Variants in RETREG1 observed in about 807,000 individuals in gnomAD.
The protein encoded by RETREG1 is family with sequence similarity 134 member B.
RETREG1 carries 44 observed loss-of-function variants against 54.8 expected under a neutral mutation model. The observed-to-expected ratio is 0.80, with a 90% CI of 0.63 to 1.03. RETREG1 has a LOEUF of 1.03. RETREG1 is among the 50% of genes least tolerant of loss of function. The pLI, the probability that RETREG1 is intolerant of heterozygous loss-of-function variation, is 0.00. For synonymous variants in RETREG1, 217 were observed against 238.5 expected, an observed-to-expected ratio of 0.91 and a Z score of 0.83; for missense variants, 554 against 605.1, an observed-to-expected ratio of 0.92 and a Z score of 0.89.
intron 3 of RETREG1, among the ~76,000 whole-genome samples, chr5:16,506,200 T>A (rs1330322044): frequency 6.6e-6 from 1 of 152,178 alleles, no homozygotes; most frequent in Non-Finnish European, 1.5e-5. Flanking sequence ...CTGATTTTTT[T>A]AAAAACAAAA....
chr5:16,573,706 T>A (rs1430082144), intron 1 of RETREG1, among the ~76,000 whole-genome samples: 1 of 151,634 alleles, frequency 6.6e-6, no homozygotes, highest in African/African-American at 2.4e-5. Context: ...AATGGTTTTT[T>A]TTTTTTAATT....
At chr5:16,588,107 G>A (rs1052972989) in intron 1 of RETREG1, among the ~76,000 whole-genome samples, 2 of 152,168 alleles carry the variant, frequency 1.3e-5, no homozygotes, top group African/African-American at 4.8e-5. Flanking sequence ...CATCTCTTGG[G>A]CCAACTGTAT....
At chr5:16,513,076 G>A (rs1405937571) in intron 3 of RETREG1, among the ~76,000 whole-genome samples, 1 of 152,194 alleles carries the variant, frequency 6.6e-6, no homozygotes, top group Non-Finnish European at 1.5e-5. Context: ...TTTGTTTGGA[G>A]CAGATTGGTT....
chr5:16,558,869 A>G (rs777472137), intron 3 of RETREG1, among the ~76,000 whole-genome samples: 3 of 152,264 alleles, frequency 2.0e-5, no homozygotes, highest in Non-Finnish European at 4.4e-5. Flanking sequence ...CAAGTTTGAG[A>G]TAAAGATATG....
chr5:16,557,898 T>C (rs1234956646), intron 3 of RETREG1, among the ~76,000 whole-genome samples: 1 of 152,182 alleles, frequency 6.6e-6, no homozygotes, highest in African/African-American at 2.4e-5. Flanking sequence ...GAAATTTAAT[T>C]GCCATCATGA....
intron 3 of RETREG1, among the ~76,000 whole-genome samples, chr5:16,520,007 G>T (rs148159791): frequency 3.3e-5 from 5 of 152,292 alleles, no homozygotes; most frequent in Non-Finnish European, 5.9e-5. Flanking sequence ...CCCTGTTATG[G>T]GTTGGACTGT....
rs542557684 is a variant in RETREG1, at chr5:16,543,975, T to G, written c.458+21788A>C. On this transcript the variant is annotated intron_variant, in intron 3 of 8. Coordinates refer to ENST00000306320, the MANE Select transcript of RETREG1 (RefSeq NM_001034850.3). ...ATGGGTTTGTTTATTGCCAAGTTTT[T>G]TTTTTTTTTTTTTTTTGGAGACGGA... 5.9e-3 allele frequency among the ~76,000 whole-genome samples: 870 copies of G among 147,262 alleles called. 4 individuals are homozygous for G. Among genetic ancestry groups the G allele is most frequent in the Middle Eastern group, 0.01 (3 of 290 alleles).
At chr5:16,536,095 C>G (rs1173137674) in intron 3 of RETREG1, among the ~76,000 whole-genome samples, 2 of 152,186 alleles carry the variant, frequency 1.3e-5, no homozygotes, top group African/African-American at 4.8e-5. Context: ...TAATCTCACA[C>G]AGTAACAGAG....
intron 3 of RETREG1, among the ~76,000 whole-genome samples, chr5:16,488,252 C>G (rs377106294): frequency 6.6e-6 from 1 of 152,192 alleles, no homozygotes; most frequent in East Asian, 1.9e-4. Context: ...CAAAGAAAAT[C>G]TATGCAACAA....
intron 3 of RETREG1, among the ~76,000 whole-genome samples, chr5:16,504,390 A>G (rs1450230824): frequency 6.6e-6 from 1 of 152,190 alleles, no homozygotes; most frequent in Non-Finnish European, 1.5e-5. Flanking sequence ...GTGATGTGAA[A>G]TCAACCACAG....
chr5:16,565,311 C>T (rs1741976950), intron 3 of RETREG1, among the ~76,000 whole-genome samples: 1 of 152,200 alleles, frequency 6.6e-6, no homozygotes, highest in African/African-American at 2.4e-5. Context: ...CTCACAGCCT[C>T]TCACCCTATC....
chr5:16,548,815 G>T (rs1339473805), intron 3 of RETREG1, among the ~76,000 whole-genome samples: 6 of 152,334 alleles, frequency 3.9e-5, no homozygotes, highest in Middle Eastern at 3.4e-3. Context: ...ACACCAGGGT[G>T]GTGAGGGGAG....
intron 3 of RETREG1, among the ~76,000 whole-genome samples, chr5:16,546,081 T>C (rs548777622): frequency 6.6e-6 from 1 of 152,354 alleles, no homozygotes; most frequent in African/African-American, 2.4e-5. Flanking sequence ...GATACAATGA[T>C]TGAAATCCCA....
intron 3 of RETREG1, among the ~76,000 whole-genome samples, chr5:16,492,961 G>A (rs556164644): frequency 6.6e-6 from 1 of 152,156 alleles, no homozygotes; most frequent in East Asian, 1.9e-4. Flanking sequence ...TTAGCCACGT[G>A]AGCGACTCCT....
chr5:16,569,951 G>A (rs1742128665), intron 2 of RETREG1, among the ~76,000 whole-genome samples: 2 of 152,372 alleles, frequency 1.3e-5, no homozygotes, highest in South Asian at 4.1e-4. Context: ...ACTCCCAGGA[G>A]CTGCAAGAGG....
At chr5:16,508,458 T>A in intron 3 of RETREG1, 1 of 971,952 alleles carries the variant, frequency 1.0e-6, no homozygotes, top group Non-Finnish European at 1.6e-6. Context: ...ATTAAAGGAC[T>A]GCATTCTTCA....
At chr5:16,553,895 G>T in intron 3 of RETREG1, among the ~76,000 whole-genome samples, 1 of 152,282 alleles carries the variant, frequency 6.6e-6, no homozygotes, top group African/African-American at 2.4e-5. Context: ...CCCAGGGATA[G>T]GTTGTTGAAA....
In RETREG1 at chr5:16,585,010, G is replaced by GA. The variant is rs1742591455; in HGVS notation, c.321-12909dup. On this transcript the variant is annotated intron_variant, in intron 1 of 8. Transcript: ENST00000306320. This position sits in a 1 kb window ranked among gnomAD's most constrained non-coding sequence, Gnocchi z 4.5. ...CCTAGGGAAGTACTTCTTTAGTTGT[G>GA]ATGGCCAAGAAAATGAATTATAAGC... Among the ~76,000 whole-genome samples the GA allele has an allele frequency of 6.6e-6, 1 of 151,708 alleles. No individual in the cohort carries two copies.
chr5:16,506,228 G>A (rs575991134), intron 3 of RETREG1, among the ~76,000 whole-genome samples: 2 of 152,168 alleles, frequency 1.3e-5, no homozygotes, highest in Non-Finnish European at 1.5e-5. Context: ...TTAGCTCACT[G>A]ATGGTTCCAG....
Sources: gnomAD v4.1 joint callset for allele counts (sites outside exome capture counted in the v4.1 genomes callset) on GRCh38, gnomAD v4.1.1 for gene constraint, Gnocchi (gnomAD v3.1) non-coding constraint, MANE v1.5 for transcripts, NCBI Gene and HGNC (gene_info 2026-07-23, HGNC 2026-07-21) for gene names.